Variants in ADGRE2 observed in about 807,000 individuals in gnomAD.
ADGRE2 encodes CD97 antigen.
ADGRE2 carries 83 observed loss-of-function variants against 100.8 expected under a neutral mutation model. The observed-to-expected ratio is 0.82, with a 90% CI of 0.69 to 0.99. The LOEUF (loss-of-function observed/expected upper bound fraction) is 0.99, where lower values mean the gene tolerates loss of function less well. ADGRE2 is among the 50% of genes least tolerant of loss of function. ADGRE2 has a pLI of 0.00. For synonymous variants in ADGRE2, 355 were observed against 413.0 expected (o/e 0.86, Z 1.70); for missense variants, 814 against 1,035.7 (o/e 0.79, Z 2.94).
intron 20 of ADGRE2, among the ~76,000 whole-genome samples, chr19:14,742,894 A>G (rs2042971143): frequency 4.6e-5 from 7 of 152,034 alleles, no homozygotes; most frequent in Middle Eastern, 3.4e-3. Flanking sequence ...GAGTCAAACT[A>G]AGCACAGTTC....
chr19:14,757,373 T>C (rs2043537660), intron 11 of ADGRE2, among the ~76,000 whole-genome samples: 1 of 149,382 alleles, frequency 6.7e-6, no homozygotes, highest in South Asian at 2.2e-4. Context: ...ATAAGAAAAG[T>C]TCATCTTAAA....
Position 14,734,361 on chromosome 19 carries a change from A to C in ADGRE2, c.*1875T>G, listed in dbSNP as rs554778692. 1 of 152,214 alleles carries C rather than the reference A, an allele frequency of 6.6e-6. No individual in the cohort carries two copies. Among genetic ancestry groups the C allele is most frequent in the Admixed American group, 6.5e-5 (1 of 15,270 alleles). 9.4% of individuals were successfully genotyped at this position (152,214 alleles called of 1,614,324 possible). A position where few individuals can be genotyped will look rare whatever the true frequency, so the allele number is the denominator to read the frequency against. On this transcript the variant is annotated 3_prime_UTR_variant, in exon 21 of 21. Transcript: ENST00000315576. ...TGAGACCCACGTCTCTACAAAAAAT[A>C]CAAAAATTAGCCCGGTGTGGTGGTA...
At chr19:14,767,790 C>T (rs1489356549) in intron 5 of ADGRE2, among the ~76,000 whole-genome samples, 14 of 152,188 alleles carry the variant, frequency 9.2e-5, no homozygotes, top group Admixed American at 9.2e-4. Flanking sequence ...TTCCCAGTGG[C>T]AGTCCTGGGC....
In ADGRE2 at chr19:14,735,302, C is replaced by T. The variant is rs935417574; in HGVS notation, c.*934G>A. 1 of 152,164 alleles carries T rather than the reference C, an allele frequency of 6.6e-6. No homozygotes were observed. The highest frequency in any genetic ancestry group is 1.5e-5 in the Non-Finnish European group (1 of 68,080). 9.4% of individuals were successfully genotyped at this position (152,164 alleles called of 1,614,324 possible). On this transcript the variant is annotated 3_prime_UTR_variant, in exon 21 of 21. Transcript: ENST00000315576. ...GATGGTTCTCACTCTGTTGCCCACACTGGTCTCAAACTCCTGGGCTTGAGC... is the reference window on the plus strand; with the variant it reads ...GATGGTTCTCACTCTGTTGCCCACATTGGTCTCAAACTCCTGGGCTTGAGC...
intron 5 of ADGRE2, among the ~76,000 whole-genome samples, chr19:14,771,559 G>A (rs1355364702): frequency 2.0e-5 from 3 of 152,166 alleles, no homozygotes. Flanking sequence ...CTGAGTGCCA[G>A]CCAGGAGTGT....
At chr19:14,766,473 C>T in intron 6 of ADGRE2, 92 bp from the exon 7 acceptor site, 1 of 1,422,270 alleles carries the variant, frequency 7.0e-7, no homozygotes, top group Non-Finnish European at 9.5e-7. Flanking sequence ...TTTTCATTGC[C>T]TCAGACTGAA....
rs147817851 is a variant in ADGRE2 at position 14,777,158 on chromosome 19, G to A, written c.-171-231C>T. 1.7e-4 allele frequency: 158 copies of A among 951,510 alleles called. 1 individual carries two copies. The African/African-American group carries it at 2.6e-3, about 15-fold the overall frequency. 58.9% of individuals were successfully genotyped at this position (951,510 alleles called of 1,614,324 possible). A position where few individuals can be genotyped will look rare whatever the true frequency, so the allele number is the denominator to read the frequency against. On this transcript the variant is annotated intron_variant, in intron 1 of 20. Coordinates refer to ENST00000315576, the MANE Select transcript of ADGRE2 (RefSeq NM_013447.4). ...GCAGGGGAAGGTGTGGCAGCCGGGC[G>A]GGGCGGTCTCGCCTGGGGCCACTTG...
chr19:14,749,293 T>G (rs972107720), intron 16 of ADGRE2, among the ~76,000 whole-genome samples: 1 of 113,442 alleles, frequency 8.8e-6, no homozygotes, highest in Non-Finnish European at 1.9e-5. Flanking sequence ...GCTTATATAA[T>G]TATATGTAAT....
At chr19:14,730,610 T>A (rs752702852), downstream of ADGRE2, among the ~76,000 whole-genome samples, 2 of 152,200 alleles carry the variant, frequency 1.3e-5, no homozygotes, top group Non-Finnish European at 2.9e-5. Flanking sequence ...AAGCAGTTTG[T>A]AATAACCCAA....
chr19:14,768,938 G>A (rs2044091593), intron 5 of ADGRE2: 1 of 152,324 alleles, frequency 6.6e-6, no homozygotes, highest in Non-Finnish European at 1.5e-5. Context: ...TGATGAGCTG[G>A]GGGATCAGAG....
In ADGRE2 at chr19:14,759,503, A is replaced by ATATATATATATTT. The variant is rs60789454; in HGVS notation, c.1085-3159_1085-3158insAAATATATATATA. Among the ~76,000 whole-genome samples the ATATATATATATTT allele has an allele frequency of 4.7e-3, 631 of 133,324 alleles. 1 individual carries two copies. Among genetic ancestry groups the ATATATATATATTT allele is most frequent in the African/African-American group, 0.017 (584 of 33,624 alleles). The allele number at this position is 133,324 out of a possible 152,430, so 87.5% of individuals were successfully genotyped here. A position where few individuals can be genotyped will look rare whatever the true frequency, so the allele number is the denominator to read the frequency against. On this transcript the variant is annotated intron_variant, in intron 11 of 20. Coordinates refer to ENST00000315576, the MANE Select transcript of ADGRE2 (RefSeq NM_013447.4). ...ATAAGTTATACATATATATATATAT[A>ATATATATATATTT]TTTTTTTTTTTTAGACGGAGTCTCA...
At chr19:14,768,427 G>A (rs1248788743) in intron 5 of ADGRE2, among the ~76,000 whole-genome samples, 1 of 152,228 alleles carries the variant, frequency 6.6e-6, no homozygotes, top group Non-Finnish European at 1.5e-5. Flanking sequence ...CTGGCCCTGG[G>A]TGAAGGTTTA....
rs369172417 is a variant in ADGRE2, at chr19:14,774,030, T to C, written c.107A>G (p.Asp36Gly). The C allele has an allele frequency of 4.3e-6, 7 of 1,612,726 alleles. No individual in the cohort carries two copies. The highest frequency in any genetic ancestry group is 5.1e-6 in the Non-Finnish European group (6 of 1,179,716). Reference sequence around the variant, plus strand: ...GGCGGTGGCATTGACACACGAGGAGTCCTGAGGGCACCACCGGGCACAGCC... The same window carrying C: ...GGCGGTGGCATTGACACACGAGGAGCCCTGAGGGCACCACCGGGCACAGCC... ...SRGCARWCPQ[D>G]SSCVNATACR... The change falls in exon 4 of 21, where the codon GAC becomes GGC. Residue 36 changes from aspartate to glycine, a missense_variant. Asp to Gly is a moderately conservative substitution (Grantham distance 94). Transcript: ENST00000315576.
intron 11 of ADGRE2, among the ~76,000 whole-genome samples, chr19:14,762,132 T>C (rs2043748581): frequency 6.6e-6 from 1 of 152,060 alleles, no homozygotes. Flanking sequence ...TCACGGGCCA[T>C]GGTCAGTCAT....
intron 17 of ADGRE2, 61 bp from the exon 18 acceptor site, chr19:14,746,384 T>C: frequency 9.8e-7 from 1 of 1,016,088 alleles, no homozygotes; most frequent in Non-Finnish European, 1.5e-6. Flanking sequence ...TCTTTTTTTT[T>C]TTTTTTCAGA....
chr19:14,760,950 T>C (rs1220852071), intron 11 of ADGRE2, among the ~76,000 whole-genome samples: 1 of 152,178 alleles, frequency 6.6e-6, no homozygotes, highest in Non-Finnish European at 1.5e-5. Context: ...GGATAATAAC[T>C]CCTTCAACCA....
chr19:14,755,137 C>G lies in ADGRE2; in HGVS notation c.1417-10G>C. 6.2e-7 allele frequency: 1 copy of G among 1,613,134 alleles called. No homozygotes were observed. The highest frequency in any genetic ancestry group is 8.5e-7 in the Non-Finnish European group (1 of 1,179,476). ...GTCTCGGGATCACTGACTGCAGGAA[C>G]AGAACACAGGTGTGGGCTGGGCATG... On this transcript the variant is annotated splice_polypyrimidine_tract_variant and intron_variant, in intron 13 of 20. Transcript: ENST00000315576.
chr19:14,774,941 T>C (rs1242451063), intron 2 of ADGRE2, among the ~76,000 whole-genome samples: 1 of 150,810 alleles, frequency 6.6e-6, no homozygotes, highest in African/African-American at 2.4e-5. Context: ...CCCAAAGTGC[T>C]AGGATTACAG....
intron 11 of ADGRE2, among the ~76,000 whole-genome samples, chr19:14,760,739 G>A (rs1205355659): frequency 1.3e-5 from 2 of 152,078 alleles, no homozygotes; most frequent in East Asian, 1.9e-4. Flanking sequence ...GTGGGAAGTG[G>A]GGGGTCTGAC....
Sources: allele counts gnomAD v4.1 joint callset (sites outside exome capture counted in the v4.1 genomes callset), GRCh38; gene constraint gnomAD v4.1.1; transcripts MANE v1.5; gene names NCBI Gene and HGNC (gene_info 2026-07-23, HGNC 2026-07-21).